The following C8orf34 variants were observed in gnomAD, a reference collection of about 807,000 sequenced individuals.
The protein encoded by C8orf34 is chromosome 8 open reading frame 34, also known as uncharacterized protein C8orf34.
A neutral mutation model predicts 68.3 loss-of-function variants in C8orf34; 65 were observed. The observed-to-expected ratio is 0.95, with a 90% CI of 0.78 to 1.17. The LOEUF (loss-of-function observed/expected upper bound fraction) is 1.17. Ranked by LOEUF, C8orf34 falls within the 50% of genes most tolerant of loss-of-function variation. C8orf34 has a pLI of 0.00. For missense variants in C8orf34, 664 were observed against 655.4 expected, an observed-to-expected ratio of 1.01 and a Z score of -0.14; for synonymous variants, 244 against 241.2, an observed-to-expected ratio of 1.01 and a Z score of -0.11.
At chr8:68,617,753 A>G (rs946437235) in intron 7 of C8orf34, among the ~76,000 whole-genome samples, 4 of 152,074 alleles carry the variant, frequency 2.6e-5, no homozygotes, top group African/African-American at 9.7e-5. Context: ...GAATCTGACA[A>G]TTATGTGTCT....
chr8:68,625,170 A>G (rs917880639), intron 7 of C8orf34, among the ~76,000 whole-genome samples: 2 of 152,124 alleles, frequency 1.3e-5, no homozygotes, highest in South Asian at 2.1e-4. Context: ...TAGCTAGGTA[A>G]AGGCTTCTGG....
chr8:68,747,398 G>A (rs972892764), intron 10 of C8orf34, among the ~76,000 whole-genome samples: 2 of 149,930 alleles, frequency 1.3e-5, no homozygotes, highest in African/African-American at 4.9e-5. Context: ...AATTAGGCAG[G>A]AGAAGGAAAT....
At chr8:68,543,919 A>C (rs953900101) in intron 7 of C8orf34, among the ~76,000 whole-genome samples, 2 of 152,212 alleles carry the variant, frequency 1.3e-5, no homozygotes, top group Admixed American at 1.3e-4. Context: ...GGTTCTTGAG[A>C]GTAGGGAAAT....
chr8:68,394,594 G>T (rs1022032821), intron 1 of C8orf34, among the ~76,000 whole-genome samples: 65 of 152,096 alleles, frequency 4.3e-4, no homozygotes, highest in African/African-American at 1.5e-3. Flanking sequence ...GTTTTTGAGT[G>T]CCAAATATTT....
At chr8:68,421,662 C>A (rs993499546) in intron 1 of C8orf34, among the ~76,000 whole-genome samples, 1 of 152,148 alleles carries the variant, frequency 6.6e-6, no homozygotes, top group African/African-American at 2.4e-5. Context: ...AACAGCAAGG[C>A]CTGAGGCTGA....
chr8:68,738,710 A>G (rs1229541446), intron 10 of C8orf34, among the ~76,000 whole-genome samples: 1 of 152,126 alleles, frequency 6.6e-6, no homozygotes, highest in African/African-American at 2.4e-5. Context: ...TCCTGTATAC[A>G]TACATCCTCC....
At chr8:68,362,360 GCAGAGTCCACTGT>G (rs1389483806) in intron 1 of C8orf34, among the ~76,000 whole-genome samples, 3 of 152,132 alleles carry the variant, frequency 2.0e-5, no homozygotes, top group African/African-American at 7.2e-5. Flanking sequence ...TTAATATTTA[GCAGAGTCCACTGT>G]CAATGAAAAA....
At chr8:68,698,894 G>A (rs1229153584) in intron 8 of C8orf34, among the ~76,000 whole-genome samples, 1 of 152,036 alleles carries the variant, frequency 6.6e-6, no homozygotes, top group Admixed American at 6.6e-5. Context: ...CCCTGGTAGA[G>A]TCTTCCCCAT....
intron 5 of C8orf34, among the ~76,000 whole-genome samples, chr8:68,508,456 T>A (rs1814118611): frequency 6.6e-6 from 1 of 152,230 alleles, no homozygotes; most frequent in Admixed American, 6.5e-5. Flanking sequence ...ACTCTACTTC[T>A]AGGATAAATT....
At chr8:68,716,564 G>A (rs950899485) in intron 9 of C8orf34, among the ~76,000 whole-genome samples, 4 of 152,034 alleles carry the variant, frequency 2.6e-5, no homozygotes, top group Admixed American at 6.5e-5. Flanking sequence ...TCAGGGAAAA[G>A]CAAATTAAGA....
intron 3 of C8orf34, among the ~76,000 whole-genome samples, chr8:68,455,955 T>A (rs1315694159): frequency 2.0e-5 from 3 of 151,700 alleles, no homozygotes; most frequent in Admixed American, 1.3e-4. Context: ...TAAAAAAAAA[T>A]TTCTGTCTAG....
chr8:68,482,606 G>A (rs1812909321), intron 4 of C8orf34, among the ~76,000 whole-genome samples: 1 of 152,100 alleles, frequency 6.6e-6, no homozygotes, highest in Admixed American at 6.5e-5. Context: ...AATTGTCAGA[G>A]GTTGTTGATC....
intron 1 of C8orf34, among the ~76,000 whole-genome samples, chr8:68,374,875 A>G (rs1807724352): frequency 6.6e-6 from 1 of 152,170 alleles, no homozygotes; most frequent in South Asian, 2.1e-4. Context: ...CTGAACTTTG[A>G]TTTACTCAAT....
chr8:68,380,208 T>C (rs1807974067), intron 1 of C8orf34, among the ~76,000 whole-genome samples: 1 of 152,158 alleles, frequency 6.6e-6, no homozygotes, highest in African/African-American at 2.4e-5. Context: ...TTAGAGAAAA[T>C]GTCTTTGAAG....
chr8:68,526,077 C>A (rs1050077499), intron 6 of C8orf34, among the ~76,000 whole-genome samples: 1 of 149,120 alleles, frequency 6.7e-6, no homozygotes, highest in African/African-American at 2.5e-5. Flanking sequence ...CCCACCTTAG[C>A]CTCCTGAGAA....
At chr8:68,738,442 C>T (rs1485946498) in intron 10 of C8orf34, among the ~76,000 whole-genome samples, 2 of 151,768 alleles carry the variant, frequency 1.3e-5, no homozygotes, top group Non-Finnish European at 1.5e-5. Context: ...CAAGAAATAA[C>T]AAAAATCAGA....
intron 6 of C8orf34, among the ~76,000 whole-genome samples, chr8:68,527,582 A>C (rs1406844819): frequency 1.3e-5 from 2 of 152,204 alleles, no homozygotes; most frequent in African/African-American, 2.4e-5. Flanking sequence ...AAAAAAATAA[A>C]AAATAAAAAA....
intron 7 of C8orf34, among the ~76,000 whole-genome samples, chr8:68,546,964 G>A (rs976110271): frequency 5.9e-5 from 9 of 151,660 alleles, no homozygotes; most frequent in East Asian, 1.9e-4. Context: ...CTTTAAACAA[G>A]AAAGTTTTAA....
intron 1 of C8orf34, among the ~76,000 whole-genome samples, chr8:68,386,521 C>A (rs1462252884): frequency 6.6e-6 from 1 of 152,150 alleles, no homozygotes; most frequent in Admixed American, 6.5e-5. Flanking sequence ...CAACGTAATA[C>A]CATCCTAATG....
Sources: allele counts gnomAD v4.1 joint callset (sites outside exome capture counted in the v4.1 genomes callset), GRCh38; gene constraint gnomAD v4.1.1; transcripts MANE v1.5; gene names NCBI Gene and HGNC (gene_info 2026-07-23, HGNC 2026-07-21).